Variants in SNRPN observed in about 807,000 individuals in gnomAD.
SNRPN encodes the protein small nuclear ribonucleoprotein-associated protein N.
In SNRPN, 7 loss-of-function variants were observed where a neutral mutation model predicts 25.2. The ratio of observed to expected loss-of-function variants is 0.28; its 90% CI spans 0.16 to 0.52. The LOEUF is 0.52. Among genes scored for constraint, SNRPN ranks in the 20% least tolerant of loss-of-function variants. SNRPN has a pLI of 0.96. For synonymous variants in SNRPN, 124 were observed against 110.6 expected (o/e 1.12, Z -0.76); for missense variants, 196 against 322.5 (o/e 0.61, Z 3.00).
chr15:24,949,031 TTTTTTTTTG>T, intron 3 of SNRPN, among the ~76,000 whole-genome samples: 1 of 134,226 alleles, frequency 7.5e-6, no homozygotes, highest in Non-Finnish European at 1.6e-5. Context: ...TTTTTTTTTT[TTTTTTTTTG>T]AGATAGAGTC....
intron 3 of SNRPN, among the ~76,000 whole-genome samples, chr15:24,936,912 G>A (rs1423185368): frequency 2.0e-5 from 3 of 152,126 alleles, no homozygotes; most frequent in Admixed American, 1.3e-4. Flanking sequence ...GGAATTTACT[G>A]CTGATGAGAA....
intron 3 of SNRPN, among the ~76,000 whole-genome samples, chr15:24,930,794 G>A (rs1235334273): frequency 1.3e-5 from 2 of 152,088 alleles, no homozygotes; most frequent in Non-Finnish European, 2.9e-5. Flanking sequence ...AGCTACTCGG[G>A]AGGCTGAGGC....
At chr15:24,866,511 C>T (rs1170681605) in intron 1 of SNRPN, among the ~76,000 whole-genome samples, 3 of 152,006 alleles carry the variant, frequency 2.0e-5, no homozygotes, top group Non-Finnish European at 4.4e-5. Flanking sequence ...AATCCTCCTG[C>T]CTCAGCTTCC....
chr15:24,947,406 G>A (rs1049391857), intron 3 of SNRPN, among the ~76,000 whole-genome samples: 1 of 152,132 alleles, frequency 6.6e-6, no homozygotes, highest in African/African-American at 2.4e-5. Flanking sequence ...AGAGGCAAGT[G>A]GATCACGAGG....
intron 2 of SNRPN, among the ~76,000 whole-genome samples, chr15:24,894,171 A>G (rs2150886113): frequency 6.6e-6 from 1 of 151,908 alleles, no homozygotes; most frequent in African/African-American, 2.4e-5. Flanking sequence ...CACACACAAG[A>G]ACCAACAACT....
At chr15:24,975,214 A>G (rs771151536) in intron 4 of SNRPN, 144 bp from the exon 5 acceptor site, 21 of 674,296 alleles carry the variant, frequency 3.1e-5, no homozygotes, top group Non-Finnish European at 5.4e-5. Context: ...CTAAATATGG[A>G]AGAATGTTGG....
intron 1 of SNRPN, among the ~76,000 whole-genome samples, chr15:24,865,472 T>C (rs751639483): frequency 7.9e-5 from 12 of 152,170 alleles, no homozygotes; most frequent in Non-Finnish European, 1.6e-4. Context: ...GGTGGGCTCT[T>C]ATCAGGAGAA....
chr15:24,913,040 A>C (rs2059308760), intron 2 of SNRPN, among the ~76,000 whole-genome samples: 1 of 152,116 alleles, frequency 6.6e-6, no homozygotes, highest in Admixed American at 6.5e-5. Context: ...CCTGGGTTCA[A>C]GTGATTCTCC....
intron 2 of SNRPN, among the ~76,000 whole-genome samples, chr15:24,896,242 C>T (rs1387094740): frequency 3.3e-5 from 5 of 152,178 alleles, no homozygotes; most frequent in Non-Finnish European, 7.3e-5. Flanking sequence ...GTAGTGGAAA[C>T]ACCTTAGGGT....
At chr15:24,826,713 G>A (rs1177770550) in intron 1 of SNRPN, among the ~76,000 whole-genome samples, 1 of 152,086 alleles carries the variant, frequency 6.6e-6, no homozygotes, top group African/African-American at 2.4e-5. Context: ...GGTATAGGTA[G>A]GAGTCTCAGT....
chr15:24,898,359 G>T lies in SNRPN; in HGVS notation c.-505+11770G>T, dbSNP rs140935702. The stretch of plus-strand genomic sequence containing the variant: ...AATCGCAGCACTTTGGGAGGCCGAG[G>T]CAGGCGGATCACGAGGTGAAGAGAT... On this transcript the variant is annotated intron_variant, in intron 2 of 11. Coordinates refer to the SNRPN transcript ENST00000400097. Among the ~76,000 whole-genome samples the T allele has an allele frequency of 7.0e-4, 107 of 152,294 alleles. 1 individual carries two copies. Among genetic ancestry groups the T allele is most frequent in the East Asian group, 1.2e-3 (6 of 5,178 alleles).
chr15:24,826,234 C>G (rs910114914), intron 1 of SNRPN, among the ~76,000 whole-genome samples: 2 of 152,058 alleles, frequency 1.3e-5, no homozygotes, highest in Admixed American at 6.5e-5. Flanking sequence ...ATTACTGTCT[C>G]CCACTGTTAA....
chr15:24,968,574 A>G (rs1341774765), intron 3 of SNRPN, among the ~76,000 whole-genome samples: 2 of 152,308 alleles, frequency 1.3e-5, no homozygotes, highest in Non-Finnish European at 2.9e-5. Flanking sequence ...ATTAGTATTC[A>G]TTGCTTTCGA....
chr15:24,836,705 G>A (rs1188363886), intron 2 of SNRPN, among the ~76,000 whole-genome samples: 3 of 152,174 alleles, frequency 2.0e-5, no homozygotes, highest in South Asian at 2.1e-4. Flanking sequence ...GATCCACCAC[G>A]CCCAGCCACA....
chr15:24,855,118 T>G (rs2053267116), upstream of SNRPN, among the ~76,000 whole-genome samples: 1 of 152,222 alleles, frequency 6.6e-6, no homozygotes, highest in Non-Finnish European at 1.5e-5. Flanking sequence ...TACAGCCAAA[T>G]ACATAATTAT....
In SNRPN at chr15:24,943,020, G is replaced by A. The variant is rs368067081; in HGVS notation, c.-390-19094G>A. Among the ~76,000 whole-genome samples, 49 of 151,506 alleles carry A rather than the reference G, an allele frequency of 3.2e-4. No homozygotes were observed. The East Asian group carries it at 8.0e-3, about 25-fold the overall frequency. On this transcript the variant is annotated intron_variant, in intron 3 of 11. Coordinates refer to the SNRPN transcript ENST00000400097. ...AGTGGGCATTCACATGGCCACAAATGTCTTTACCTTTTTTTTTTTTTGGGG... is the reference window on the plus strand; with the variant it reads ...AGTGGGCATTCACATGGCCACAAATATCTTTACCTTTTTTTTTTTTTGGGG...
rs539715749 is a variant in SNRPN at position 24,930,002 on chromosome 15, G to A, written c.-391+9878G>A. 2.5e-3 allele frequency among the ~76,000 whole-genome samples: 377 copies of A among 151,666 alleles called. 1 individual carries two copies. The highest frequency in any genetic ancestry group is 5.1e-3 in the Admixed American group (77 of 15,232). On this transcript the variant is annotated intron_variant, in intron 3 of 11. Coordinates refer to the SNRPN transcript ENST00000400097. ...GGAGATCAAGACCCTCCTGGCTAAC[G>A]CGGTGAAACCCTGTCTCCACCAAAA...
intron 1 of SNRPN, among the ~76,000 whole-genome samples, chr15:24,826,012 G>A (rs951629582): frequency 6.6e-6 from 1 of 151,986 alleles, no homozygotes; most frequent in Non-Finnish European, 1.5e-5. Context: ...TCTCTGTTGG[G>A]CTACCTTTAT....
upstream of SNRPN, among the ~76,000 whole-genome samples, chr15:24,951,033 A>G (rs1473435518): frequency 2.0e-5 from 3 of 151,396 alleles, no homozygotes; most frequent in Non-Finnish European, 2.9e-5. Context: ...TAATTTTTGT[A>G]TTTTTTAGTA....
Sources: gnomAD v4.1 joint callset for allele counts (sites outside exome capture counted in the v4.1 genomes callset) on GRCh38, gnomAD v4.1.1 for gene constraint, MANE v1.5 for transcripts, NCBI Gene and HGNC (gene_info 2026-07-23, HGNC 2026-07-21) for gene names.